The following PTPRD variants were observed in gnomAD, a reference collection of about 807,000 sequenced individuals.
The protein encoded by PTPRD is receptor-type tyrosine-protein phosphatase delta.
PTPRD carries 34 observed loss-of-function variants against 214.5 expected under a neutral mutation model. The observed-to-expected ratio is 0.16, with a 90% CI of 0.12 to 0.21. PTPRD has a LOEUF of 0.21. Ranked by LOEUF, PTPRD falls within the 10% of genes least tolerant of loss-of-function variation. The probability of loss-of-function intolerance (pLI) is 1.00; values close to 1 mark genes in which losing one functional copy is unlikely to be tolerated. For synonymous variants in PTPRD, 1,128 were observed against 845.7 expected (o/e 1.33, Z -5.79); for missense variants, 2,545 against 2,398.7 (o/e 1.06, Z -1.27).
At chr9:8,816,269 CT>C (rs1220622186) in intron 11 of PTPRD, among the ~76,000 whole-genome samples, 1 of 152,134 alleles carries the variant, frequency 6.6e-6, no homozygotes, top group Admixed American at 6.5e-5. Context: ...TCTAGATTCA[CT>C]TTTTTCTTTG....
intron 8 of PTPRD, among the ~76,000 whole-genome samples, chr9:9,463,673 T>G (rs1185045403): frequency 6.6e-6 from 1 of 152,150 alleles, no homozygotes. Flanking sequence ...AGGGTACATA[T>G]GCATGTTTTT....
At chr9:8,880,334 GGCTTCA>G (rs2098434554) in intron 11 of PTPRD, among the ~76,000 whole-genome samples, 2 of 152,146 alleles carry the variant, frequency 1.3e-5, no homozygotes, top group Non-Finnish European at 2.9e-5. Flanking sequence ...TTCTGAGGAA[GGCTTCA>G]ATGCTAGGTC....
chr9:9,865,575 A>T (rs2063760318), intron 5 of PTPRD, among the ~76,000 whole-genome samples: 1 of 152,176 alleles, frequency 6.6e-6, no homozygotes, highest in Non-Finnish European at 1.5e-5. Context: ...ACTGTAAGAA[A>T]TTCCTTTTCT....
intron 11 of PTPRD, among the ~76,000 whole-genome samples, chr9:8,799,763 C>T (rs548149227): frequency 2.0e-5 from 3 of 152,096 alleles, no homozygotes; most frequent in African/African-American, 7.2e-5. Context: ...GAATATCTGT[C>T]ACTCTTATTT....
At chr9:10,259,614 A>C (rs1254370869) in intron 3 of PTPRD, among the ~76,000 whole-genome samples, 1 of 152,110 alleles carries the variant, frequency 6.6e-6, no homozygotes, top group East Asian at 1.9e-4. Context: ...TCAATCGATT[A>C]ATTCACACAG....
intron 30 of PTPRD, among the ~76,000 whole-genome samples, chr9:8,477,170 A>T (rs941439108): frequency 6.6e-6 from 1 of 152,162 alleles, no homozygotes; most frequent in African/African-American, 2.4e-5. Context: ...TATATGGGTA[A>T]AATTAAACTC....
intron 10 of PTPRD, among the ~76,000 whole-genome samples, chr9:9,141,879 G>A (rs1448031257): frequency 6.6e-6 from 1 of 151,976 alleles, no homozygotes; most frequent in Non-Finnish European, 1.5e-5. Context: ...TGGGCCATGG[G>A]AATCGTGGAG....
chr9:9,458,615 C>G (rs1476069778), intron 8 of PTPRD, among the ~76,000 whole-genome samples: 3 of 152,040 alleles, frequency 2.0e-5, no homozygotes, highest in Non-Finnish European at 2.9e-5. Flanking sequence ...CCCAAGATGG[C>G]TAACTTGGGA....
At chr9:9,150,630 C>T (rs951837336) in intron 10 of PTPRD, among the ~76,000 whole-genome samples, 3 of 151,672 alleles carry the variant, frequency 2.0e-5, no homozygotes, top group Non-Finnish European at 4.4e-5. Flanking sequence ...AGGTGCCTGC[C>T]CCCATGCCCA....
chr9:8,404,722 A>C, intron 35 of PTPRD, 62 bp from the exon 36 acceptor site: 2 of 1,532,634 alleles, frequency 1.3e-6, no homozygotes, highest in Non-Finnish European at 1.8e-6. Flanking sequence ...GATTATAGGC[A>C]TTTATCACAT....
chr9:9,317,971 A>C (rs2135828681), intron 9 of PTPRD, among the ~76,000 whole-genome samples: 1 of 152,246 alleles, frequency 6.6e-6, no homozygotes, highest in South Asian at 2.1e-4. Context: ...CTGGAGTTCA[A>C]GACCAGCCTG....
At chr9:10,293,281 T>A (rs1242921027) in intron 3 of PTPRD, among the ~76,000 whole-genome samples, 1 of 151,958 alleles carries the variant, frequency 6.6e-6, no homozygotes, top group African/African-American at 2.4e-5. Context: ...AAATCTGTAC[T>A]TCATTATCTT....
intron 5 of PTPRD, among the ~76,000 whole-genome samples, chr9:9,918,831 G>A (rs1395361244): frequency 6.6e-6 from 1 of 152,106 alleles, no homozygotes; most frequent in Non-Finnish European, 1.5e-5. Context: ...AATGGTGCTA[G>A]GAGAACTGGA....
intron 14 of PTPRD, among the ~76,000 whole-genome samples, chr9:8,553,113 G>A (rs369775512): frequency 6.6e-6 from 1 of 152,144 alleles, no homozygotes; most frequent in Admixed American, 6.6e-5. Flanking sequence ...GGTTAAACTT[G>A]TTATAACCAA....
At chr9:10,562,607 T>G (rs2064317217) in intron 2 of PTPRD, among the ~76,000 whole-genome samples, 1 of 152,158 alleles carries the variant, frequency 6.6e-6, no homozygotes, top group Admixed American at 6.6e-5. Context: ...TGAATGTACT[T>G]TCAGAAAGTT....
intron 11 of PTPRD, among the ~76,000 whole-genome samples, chr9:8,914,341 A>ATTGTT (rs2098769793): frequency 1.3e-5 from 2 of 152,288 alleles, no homozygotes; most frequent in African/African-American, 4.8e-5. Context: ...ACCAAATAAC[A>ATTGTT]ATATTACACT....
intron 3 of PTPRD, among the ~76,000 whole-genome samples, chr9:10,082,412 A>C (rs914613617): frequency 1.6e-4 from 24 of 152,082 alleles, no homozygotes; most frequent in African/African-American, 5.6e-4. Flanking sequence ...TGACATTGAC[A>C]AGGCGTGTGC....
chr9:8,716,244 T>C (rs2098435015), intron 12 of PTPRD, among the ~76,000 whole-genome samples: 1 of 152,224 alleles, frequency 6.6e-6, no homozygotes, highest in African/African-American at 2.4e-5. Context: ...AAACCTGGCA[T>C]TGTTAGAACC....
chr9:8,685,032 G>C (rs1359528896), intron 12 of PTPRD, among the ~76,000 whole-genome samples: 2 of 152,014 alleles, frequency 1.3e-5, no homozygotes, highest in Non-Finnish European at 2.9e-5. Context: ...TTGCATCCGG[G>C]GCTGGATGTC....
Sources: allele counts gnomAD v4.1 joint callset (sites outside exome capture counted in the v4.1 genomes callset), GRCh38; gene constraint gnomAD v4.1.1; transcripts MANE v1.5; gene names NCBI Gene and HGNC (gene_info 2026-07-23, HGNC 2026-07-21).